Variants in ATP13A4 observed in about 807,000 individuals in gnomAD.
ATP13A4 encodes the protein ATPase 13A4, also known as probable cation-transporting ATPase 13A4.
ATP13A4 carries 114 observed loss-of-function variants against 142.5 expected under a neutral mutation model. That is an observed-to-expected ratio of 0.80 (90% CI 0.69 to 0.93). The LOEUF (loss-of-function observed/expected upper bound fraction) is 0.93, where lower values mean the gene tolerates loss of function less well. ATP13A4 is among the 40% of genes least tolerant of loss of function. The probability of loss-of-function intolerance (pLI) is 0.00; values close to 1 mark genes in which losing one functional copy is unlikely to be tolerated. For missense variants in ATP13A4, 1,392 were observed against 1,454.0 expected (o/e 0.96, Z 0.69); for synonymous variants, 488 against 514.8 (o/e 0.95, Z 0.70).
intron 2 of ATP13A4, among the ~76,000 whole-genome samples, chr3:193,567,847 GT>G (rs1302533787): frequency 2.0e-5 from 3 of 152,150 alleles, no homozygotes; most frequent in Non-Finnish European, 2.9e-5. Flanking sequence ...CTGCCTGGAG[GT>G]GCCTCCAAAC....
chr3:193,484,679 G>A lies in ATP13A4; in HGVS notation c.739-674C>T, dbSNP rs148584487. Reference sequence around the variant, plus strand: ...GAATAAGCCAATGTCAAAAAGACAGGGTGTTCTGCTTTTGAGTAACTCATT... The same window carrying A: ...GAATAAGCCAATGTCAAAAAGACAGAGTGTTCTGCTTTTGAGTAACTCATT... On this transcript the variant is annotated intron_variant, in intron 7 of 29. Transcript: ENST00000342695. 1.6e-3 allele frequency among the ~76,000 whole-genome samples: 244 copies of A among 152,184 alleles called. 4 individuals carry two copies. In the South Asian group the frequency reaches 0.021, roughly 13 times the overall value.
intron 2 of ATP13A4, among the ~76,000 whole-genome samples, chr3:193,576,778 A>G (rs1259586054): frequency 6.6e-6 from 1 of 152,162 alleles, no homozygotes; most frequent in Non-Finnish European, 1.5e-5. Context: ...CCCGACCTGG[A>G]GGCTAAGCAG....
intron 29 of ATP13A4, 44 bp downstream of exon 29, chr3:193,407,269 C>T (rs1009677511): frequency 2.1e-5 from 32 of 1,526,894 alleles, no homozygotes; most frequent in Non-Finnish European, 2.5e-5. Flanking sequence ...TACACACATG[C>T]GTGCACACAC....
At chr3:193,507,727 T>G (rs1411841911) in intron 2 of ATP13A4, among the ~76,000 whole-genome samples, 1 of 152,146 alleles carries the variant, frequency 6.6e-6, no homozygotes, top group East Asian at 1.9e-4. Context: ...GTCTGAAACT[T>G]CTGGAGATAT....
chr3:193,495,795 T>A (rs1247469641), intron 3 of ATP13A4, among the ~76,000 whole-genome samples: 1 of 152,144 alleles, frequency 6.6e-6, no homozygotes, highest in Non-Finnish European at 1.5e-5. Flanking sequence ...TTGCCCCTTT[T>A]TGCAGATTAC....
chr3:193,547,387 C>A (rs1045617600), intron 1 of ATP13A4, among the ~76,000 whole-genome samples: 1 of 152,210 alleles, frequency 6.6e-6, no homozygotes, highest in Non-Finnish European at 1.5e-5. Context: ...CTGACCAAAT[C>A]CAGCTCCACC....
At chr3:193,519,136 C>T (rs1721578382) in intron 1 of ATP13A4, among the ~76,000 whole-genome samples, 1 of 152,180 alleles carries the variant, frequency 6.6e-6, no homozygotes, top group Non-Finnish European at 1.5e-5. Context: ...TTCCTCCCAC[C>T]TAAACTAGGC....
chr3:193,461,635 T>C (rs1382560630), intron 13 of ATP13A4, among the ~76,000 whole-genome samples: 1 of 152,234 alleles, frequency 6.6e-6, no homozygotes, highest in Non-Finnish European at 1.5e-5. Context: ...TAACATTTTA[T>C]GGATAAATTA....
chr3:193,441,651 C>T, intron 19 of ATP13A4, 63 bp from the exon 20 acceptor site: 1 of 1,575,586 alleles, frequency 6.3e-7, no homozygotes, highest in South Asian at 1.1e-5. Flanking sequence ...GAACCATAAG[C>T]ATATCTGAGA....
chr3:193,426,280 TAGAGATAAACTTAACCA>T (rs1715660631), intron 25 of ATP13A4, among the ~76,000 whole-genome samples: 1 of 151,812 alleles, frequency 6.6e-6, no homozygotes, highest in Non-Finnish European at 1.5e-5. Flanking sequence ...ATGAAATACC[TAGAGATAAACTTAACCA>T]AGAAAGAGAA....
intron 3 of ATP13A4, among the ~76,000 whole-genome samples, chr3:193,497,874 T>C (rs1720330953): frequency 6.6e-6 from 1 of 152,072 alleles, no homozygotes; most frequent in African/African-American, 2.4e-5. Flanking sequence ...GCTGATGTCA[T>C]AGAAGTAGGG....
chr3:193,518,586 G>A (rs1344950065), intron 1 of ATP13A4, among the ~76,000 whole-genome samples: 2 of 152,034 alleles, frequency 1.3e-5, no homozygotes. Context: ...TGTGGTGATG[G>A]GTTCAGCACA....
intron 1 of ATP13A4, among the ~76,000 whole-genome samples, chr3:193,523,404 A>T (rs557830586): frequency 5.9e-5 from 9 of 152,264 alleles, no homozygotes; most frequent in Admixed American, 4.6e-4. Flanking sequence ...GGAATCAGCC[A>T]TATCTTTAGA....
At chr3:193,405,785 A>G (rs921625263) in intron 29 of ATP13A4, among the ~76,000 whole-genome samples, 2 of 152,164 alleles carry the variant, frequency 1.3e-5, no homozygotes, top group African/African-American at 4.8e-5. Flanking sequence ...GGAAAGATAC[A>G]TGAAGAGGAT....
At chr3:193,455,766 G>A (rs1481505431) in intron 16 of ATP13A4, among the ~76,000 whole-genome samples, 1 of 152,134 alleles carries the variant, frequency 6.6e-6, no homozygotes, top group Non-Finnish European at 1.5e-5. Flanking sequence ...ATTCACAATA[G>A]CAAAGACATG....
At chr3:193,489,971 C>T in intron 6 of ATP13A4, 107 bp from the exon 7 acceptor site, 2 of 1,236,596 alleles carry the variant, frequency 1.6e-6, no homozygotes, top group Non-Finnish European at 1.2e-6. Context: ...TCATCCCACA[C>T]AATATTCTTA....
intron 2 of ATP13A4, among the ~76,000 whole-genome samples, chr3:193,573,116 C>T (rs1344330105): frequency 2.0e-5 from 3 of 150,036 alleles, no homozygotes; most frequent in Non-Finnish European, 3.0e-5. Flanking sequence ...TGCAGTGAGC[C>T]GAGATCACCG....
chr3:193,436,900 C>T (rs545774660), intron 23 of ATP13A4, among the ~76,000 whole-genome samples: 2 of 140,916 alleles, frequency 1.4e-5, no homozygotes, highest in South Asian at 2.1e-4. Context: ...GTCAGGAGAT[C>T]GAGACCATCC....
chr3:193,480,971 G>T (rs2029454), intron 8 of ATP13A4, among the ~76,000 whole-genome samples: 68,639 of 151,990 alleles, frequency 0.45, 15,407 homozygotes, highest in Admixed American at 0.49. Context: ...AATGGCATTT[G>T]CAGCAACCTG....
Sources: gnomAD v4.1 joint callset for allele counts (sites outside exome capture counted in the v4.1 genomes callset) on GRCh38, gnomAD v4.1.1 for gene constraint, MANE v1.5 for transcripts, NCBI Gene and HGNC (gene_info 2026-07-23, HGNC 2026-07-21) for gene names.